The following SNAP91 variants were observed in gnomAD, a reference collection of about 807,000 sequenced individuals.
The protein encoded by SNAP91 is clathrin coat assembly protein AP180.
SNAP91 carries 27 observed loss-of-function variants against 100.3 expected under a neutral mutation model. The ratio of observed to expected loss-of-function variants is 0.27; its 90% CI spans 0.20 to 0.37. The LOEUF (loss-of-function observed/expected upper bound fraction) is 0.37, where lower values mean the gene tolerates loss of function less well. Among genes scored for constraint, SNAP91 ranks in the 10% least tolerant of loss-of-function variants. The probability of loss-of-function intolerance (pLI) is 1.00; values close to 1 mark genes in which losing one functional copy is unlikely to be tolerated. For missense variants in SNAP91, 986 were observed against 1,123.7 expected, an observed-to-expected ratio of 0.88 and a Z score of 1.75; for synonymous variants, 404 against 398.6, an observed-to-expected ratio of 1.01 and a Z score of -0.16.
chr6:83,652,068 TAC>T (rs2098230701), intron 7 of SNAP91, among the ~76,000 whole-genome samples: 2 of 152,182 alleles, frequency 1.3e-5, no homozygotes, highest in South Asian at 4.1e-4. Context: ...TCCATCTCTC[TAC>T]TCTTAATTTA....
rs750300914 is a variant in SNAP91 at position 83,661,615 on chromosome 6, G to A, written c.350-11C>T. 4 of 1,469,574 alleles carry A rather than the reference G, an allele frequency of 2.7e-6. No homozygotes were observed. The highest frequency in any genetic ancestry group is 3.7e-6 in the Non-Finnish European group (4 of 1,071,002). The allele number at this position is 1,469,574 out of a possible 1,614,324, so 91.0% of individuals were successfully genotyped here. On this transcript the variant is annotated splice_polypyrimidine_tract_variant and intron_variant, in intron 4 of 29. Transcript: ENST00000369694. ...TAGACATATCATAACCTGGGAGAGT[G>A]GAAAGAAGAAATAAAACTAATTAAT...
intron 13 of SNAP91, 27 bp downstream of exon 13, chr6:83,607,670 AAC>A (rs1491356273): frequency 7.5e-7 from 1 of 1,331,510 alleles, no homozygotes; most frequent in Non-Finnish European, 1.0e-6. Context: ...AATATTAATA[AAC>A]AGTTAACTGC....
chr6:83,696,665 A>G (rs144445794), intron 2 of SNAP91, among the ~76,000 whole-genome samples: 18 of 152,322 alleles, frequency 1.2e-4, no homozygotes, highest in African/African-American at 4.3e-4. Context: ...TACTTTAAGT[A>G]CCCTTCATTC....
chr6:83,666,156 A>C (rs2098680261), intron 2 of SNAP91, among the ~76,000 whole-genome samples: 1 of 152,158 alleles, frequency 6.6e-6, no homozygotes, highest in Admixed American at 6.6e-5. Context: ...GCATTAAATT[A>C]CTATAATTTA....
chr6:83,569,988 G>A (rs922962457), intron 26 of SNAP91, among the ~76,000 whole-genome samples: 1 of 152,082 alleles, frequency 6.6e-6, no homozygotes, highest in African/African-American at 2.4e-5. Context: ...GGTAAAAATG[G>A]TATCAGTAGA....
chr6:83,658,792 TG>T (rs2098467448), intron 6 of SNAP91, among the ~76,000 whole-genome samples: 1 of 152,322 alleles, frequency 6.6e-6, no homozygotes, highest in South Asian at 2.1e-4. Context: ...TATTTTTCCA[TG>T]ACTTATGTAA....
chr6:83,600,063 T>C (rs923148762), intron 16 of SNAP91, among the ~76,000 whole-genome samples: 4 of 152,200 alleles, frequency 2.6e-5, no homozygotes, highest in Admixed American at 2.6e-4. Flanking sequence ...GTATTACAGA[T>C]GTGAGCCACT....
intron 2 of SNAP91, among the ~76,000 whole-genome samples, chr6:83,666,084 G>A (rs2098677951): frequency 6.6e-6 from 1 of 152,062 alleles, no homozygotes; most frequent in African/African-American, 2.4e-5. Flanking sequence ...GCAGGATGAG[G>A]TCAAATATTA....
In SNAP91 at chr6:83,553,714, A is replaced by G. The variant is rs1773918023; in HGVS notation, c.*582T>C. 6.6e-6 allele frequency: 1 copy of G among 152,178 alleles called. No homozygotes were observed. The highest frequency in any genetic ancestry group is 6.6e-5 in the Admixed American group (1 of 15,258). The allele number at this position is 152,178 out of a possible 1,614,324, so 9.4% of individuals were successfully genotyped here. ...GTTAACCTTTATATTTTTTAAAATA[A>G]AATTTCTTAACATATACAGTGCCAC... On this transcript the variant is annotated 3_prime_UTR_variant, in exon 30 of 30. Transcript: ENST00000369694.
chr6:83,709,150 G>T (rs1376112199), upstream of SNAP91: 1 of 152,338 alleles, frequency 6.6e-6, no homozygotes, highest in African/African-American at 2.4e-5. Context: ...GACGAGTCAG[G>T]TGACGGCGGC....
intron 12 of SNAP91, among the ~76,000 whole-genome samples, chr6:83,610,196 A>G (rs2095905924): frequency 1.3e-5 from 2 of 152,160 alleles, no homozygotes; most frequent in Non-Finnish European, 1.5e-5. Flanking sequence ...CCCAAATGAT[A>G]CAAGCAACCA....
chr6:83,643,667 A>C (rs2097797505), intron 7 of SNAP91, among the ~76,000 whole-genome samples: 1 of 152,094 alleles, frequency 6.6e-6, no homozygotes, highest in Admixed American at 6.6e-5. Context: ...AGTATTTTTA[A>C]TTTTCTTAAG....
intron 2 of SNAP91, among the ~76,000 whole-genome samples, chr6:83,706,278 T>G (rs1445598490): frequency 2.0e-5 from 3 of 152,244 alleles, no homozygotes; most frequent in African/African-American, 7.2e-5. Context: ...TATATACCTT[T>G]AAGACATGAA....
chr6:83,703,539 T>C (rs542650605), intron 2 of SNAP91, among the ~76,000 whole-genome samples: 58 of 152,340 alleles, frequency 3.8e-4, no homozygotes, highest in African/African-American at 1.2e-3. Context: ...ACTTTATGAA[T>C]AAAATTAAAG....
intron 2 of SNAP91, among the ~76,000 whole-genome samples, chr6:83,699,884 A>G (rs778235438): frequency 1.2e-4 from 18 of 152,302 alleles, no homozygotes; most frequent in Non-Finnish European, 2.2e-4. Context: ...AGTGAAAATA[A>G]CTGTCATTCT....
At chr6:83,593,957 A>G (rs969784691) in intron 17 of SNAP91, among the ~76,000 whole-genome samples, 7 of 152,208 alleles carry the variant, frequency 4.6e-5, no homozygotes, top group African/African-American at 1.7e-4. Context: ...CAAGTTAGCA[A>G]ACTAAAGCAT....
In SNAP91 at chr6:83,593,692, G is replaced by A; in HGVS notation, c.1482C>T (p.Asp494=). 6.2e-7 allele frequency: 1 copy of A among 1,608,822 alleles called. No homozygotes were observed. Among genetic ancestry groups the A allele is most frequent in the Non-Finnish European group, 8.5e-7 (1 of 1,175,862 alleles). Reference sequence around the variant, plus strand: ...TCTCAGGTGGCTTCATTGCAAAGAGGTCCAGCTCAGGTGCAGCCTCTGCAC... The same window carrying A: ...TCTCAGGTGGCTTCATTGCAAAGAGATCCAGCTCAGGTGCAGCCTCTGCAC... ...EGSAEAAPEL[D]LFAMKPPETS... is the part of the protein sequence containing the mutation. Residue 494 remains aspartate (D), a synonymous_variant, in exon 18 of 30, where the codon GAC becomes GAT. Transcript: ENST00000369694.
chr6:83,631,344 A>G (rs1012208754), intron 8 of SNAP91, among the ~76,000 whole-genome samples: 1 of 152,132 alleles, frequency 6.6e-6, no homozygotes, highest in African/African-American at 2.4e-5. Flanking sequence ...TTCTATATAC[A>G]TCTGTTAAGT....
intron 9 of SNAP91, among the ~76,000 whole-genome samples, chr6:83,622,954 T>G (rs2096788836): frequency 6.6e-6 from 1 of 152,098 alleles, no homozygotes; most frequent in Non-Finnish European, 1.5e-5. Context: ...GTTCTAATAT[T>G]CTGATTATCA....
Sources: allele counts gnomAD v4.1 joint callset (sites outside exome capture counted in the v4.1 genomes callset), GRCh38; gene constraint gnomAD v4.1.1; transcripts MANE v1.5; gene names NCBI Gene and HGNC (gene_info 2026-07-23, HGNC 2026-07-21).